The following IL6ST variants were observed in gnomAD, a reference collection of about 807,000 sequenced individuals.
IL6ST encodes interleukin 6 cytokine family signal transducer, also known as interleukin-6 receptor subunit beta.
Under a neutral mutation model 91.3 loss-of-function variants are expected in IL6ST, and 24 were observed. The observed-to-expected ratio is 0.26, with a 90% CI of 0.19 to 0.37. The LOEUF is 0.37. Ranked by LOEUF, IL6ST falls within the 10% of genes least tolerant of loss-of-function variation. IL6ST has a pLI of 1.00. For missense variants in IL6ST, 914 were observed against 1,078.5 expected, an observed-to-expected ratio of 0.85 and a Z score of 2.14; for synonymous variants, 351 against 373.6, an observed-to-expected ratio of 0.94 and a Z score of 0.70.
intron 11 of IL6ST, among the ~76,000 whole-genome samples, chr5:55,954,592 G>A (rs1390546213): frequency 6.6e-6 from 1 of 152,098 alleles, no homozygotes; most frequent in Non-Finnish European, 1.5e-5. Context: ...TCATATTGGG[G>A]TACAAAAAGA....
chr5:55,967,887 C>T (rs1752729514), intron 5 of IL6ST, among the ~76,000 whole-genome samples: 2 of 152,122 alleles, frequency 1.3e-5, no homozygotes, highest in South Asian at 2.1e-4. Context: ...ACCTCCGCCT[C>T]CTGGATTTAA....
chr5:55,960,098 C>A (rs554978811), intron 8 of IL6ST, among the ~76,000 whole-genome samples: 1 of 152,108 alleles, frequency 6.6e-6, no homozygotes, highest in African/African-American at 2.4e-5. Flanking sequence ...ATTGGCCAGG[C>A]TGGTCTCAAA....
At chr5:55,973,396 A>G (rs1474948818) in intron 3 of IL6ST, among the ~76,000 whole-genome samples, 1 of 152,174 alleles carries the variant, frequency 6.6e-6, no homozygotes, top group Non-Finnish European at 1.5e-5. Context: ...GAGACTTCAG[A>G]GGCTAGATCA....
At chr5:55,950,781 G>C (rs1353452991) in intron 14 of IL6ST, among the ~76,000 whole-genome samples, 3 of 151,458 alleles carry the variant, frequency 2.0e-5, no homozygotes, top group Non-Finnish European at 2.9e-5. Flanking sequence ...CCAGGAGTTT[G>C]AGACCAGCCA....
chr5:55,984,536 G>A (rs1004495954), intron 1 of IL6ST, among the ~76,000 whole-genome samples: 2 of 152,130 alleles, frequency 1.3e-5, no homozygotes, highest in African/African-American at 4.8e-5. Context: ...AACGACGATG[G>A]CTACCACCAG....
At chr5:55,993,142 C>T (rs955197751) in intron 1 of IL6ST, among the ~76,000 whole-genome samples, 1 of 152,198 alleles carries the variant, frequency 6.6e-6, no homozygotes, top group African/African-American at 2.4e-5. Context: ...TTCTGACTCC[C>T]ATTAAAATGA....
rs1750529501 is a variant in IL6ST, at chr5:55,936,351, T to TG, written c.*4730_*4731insC. On this transcript the variant is annotated 3_prime_UTR_variant, in exon 17 of 17. Coordinates refer to ENST00000381298, the MANE Select transcript of IL6ST (RefSeq NM_002184.4). ...TTGACAACCAAGTAGGTTTTTTTTT[T>TG]TTTTTTTTTTTTTAATGTCCACTAG... The TG allele has an allele frequency of 1.9e-5, 4 of 211,596 alleles. No individual in the cohort carries two copies. Among genetic ancestry groups the TG allele is most frequent in the African/African-American group, 7.1e-5 (3 of 42,482 alleles). The allele number at this position is 211,596 out of a possible 1,614,324, so 13.1% of individuals were successfully genotyped here.
chr5:55,967,219 A>AACCTGG (rs1257964182), intron 5 of IL6ST, among the ~76,000 whole-genome samples: 1 of 143,096 alleles, frequency 7.0e-6, no homozygotes, highest in Non-Finnish European at 1.5e-5. Context: ...CTGAGGCAGG[A>AACCTGG]GAATTGCTTG....
At chr5:55,986,308 T>C (rs1404044615) in intron 1 of IL6ST, among the ~76,000 whole-genome samples, 5 of 152,208 alleles carry the variant, frequency 3.3e-5, no homozygotes, top group African/African-American at 9.6e-5. Flanking sequence ...TTTTGATAAA[T>C]TGACCCTTTT....
chr5:55,983,308 G>A (rs1296210173), intron 1 of IL6ST, among the ~76,000 whole-genome samples: 3 of 152,078 alleles, frequency 2.0e-5, no homozygotes, highest in African/African-American at 7.2e-5. Context: ...TTTGATATAC[G>A]CTTGCAAACA....
intron 3 of IL6ST, among the ~76,000 whole-genome samples, chr5:55,974,005 T>C (rs1226867386): frequency 1.3e-5 from 2 of 152,056 alleles, no homozygotes; most frequent in African/African-American, 2.4e-5. Flanking sequence ...GAAATATACA[T>C]TGGGTGAGGG....
rs376610689 is a variant in IL6ST at position 55,954,963 on chromosome 5, A to C, written c.1297T>G (p.Phe433Val). 4.3e-6 allele frequency: 7 copies of C among 1,610,624 alleles called. No individual in the cohort carries two copies. Among genetic ancestry groups the C allele is most frequent in the Non-Finnish European group, 5.9e-6 (7 of 1,178,066 alleles). Reference protein sequence around the residue: ...ATHPVMDLKAFPKDNMLWVEW... With the variant: ...ATHPVMDLKAVPKDNMLWVEW... Reference sequence around the variant, plus strand: ...ACCCAAAGCATGTTATCTTTGGGGAATGCTTTAAGATCCATTACAGGGTGA... The same window carrying C: ...ACCCAAAGCATGTTATCTTTGGGGACTGCTTTAAGATCCATTACAGGGTGA... The change falls in exon 11 of 17, where the codon TTC becomes GTC. Residue 433 changes from phenylalanine (F) to valine (V), a missense_variant. Physicochemically the swap from Phe to Val is conservative, Grantham distance 50. Transcript: ENST00000381298.
chr5:55,941,673 T>C lies in IL6ST; in HGVS notation c.2166A>G (p.Glu722=), dbSNP rs146333104. 1.0e-4 allele frequency: 162 copies of C among 1,613,996 alleles called. No individual in the cohort carries two copies. The highest frequency in any genetic ancestry group is 8.1e-4 in the South Asian group (74 of 91,082). ...DLFKKEKINT[E]GHSSGIGGSS... is the part of the protein sequence containing the mutation. ...ACCCCCCAATACCACTGCTGTGTCC[T>C]TCAGTATTAATTTTTTCCTTTTTGA... Residue 722 remains glutamate (E), a synonymous_variant, in exon 17 of 17, where the codon GAA becomes GAG. Coordinates refer to ENST00000381298, the MANE Select transcript of IL6ST (RefSeq NM_002184.4).
At chr5:55,969,283 T>C (rs1023471978) in intron 4 of IL6ST, among the ~76,000 whole-genome samples, 2 of 152,146 alleles carry the variant, frequency 1.3e-5, no homozygotes, top group Admixed American at 6.5e-5. Flanking sequence ...ATACTGAGAA[T>C]TACCATCATT....
In IL6ST at chr5:55,971,721, G is replaced by A. The variant is rs1197599303; in HGVS notation, c.65-1866C>T. On this transcript the variant is annotated intron_variant, in intron 3 of 16. Coordinates refer to ENST00000381298, the MANE Select transcript of IL6ST (RefSeq NM_002184.4). ...CCTGTAGTCCCAGCTACTTGGGGGT[G>A]AGGGTCGTGTGCTGAGGCAGGAGGA... 2.0e-5 allele frequency among the ~76,000 whole-genome samples: 3 copies of A among 152,176 alleles called. No homozygotes were observed. In the East Asian group the frequency reaches 5.8e-4, roughly 29 times the overall value.
In IL6ST at chr5:55,941,144, C is replaced by CA. The variant is rs1478976572; in HGVS notation, c.2694dup (p.Glu899Ter). The CA allele has an allele frequency of 6.2e-7, 1 of 1,613,960 alleles. No homozygotes were observed. Among genetic ancestry groups the CA allele is most frequent in the African/African-American group, 1.3e-5 (1 of 74,928 alleles). The stretch of plus-strand genomic sequence containing the variant: ...GGTAAGTAACTTTTAGGCATGCCTT[C>CA]ATCAGTCGCAGCCTCCATGCCAACT... On this transcript the variant is annotated frameshift_variant, in exon 17 of 17. Transcript: ENST00000381298. LOFTEE classifies it high-confidence loss of function.
At chr5:55,994,091 C>G (rs1489154808) in intron 1 of IL6ST, 2 of 139,164 alleles carry the variant, frequency 1.4e-5, no homozygotes, top group East Asian at 4.0e-4. Context: ...TATTTTTAAC[C>G]TGTGATTTTT....
At chr5:55,961,959 G>A (rs1752345745) in intron 7 of IL6ST, among the ~76,000 whole-genome samples, 1 of 152,162 alleles carries the variant, frequency 6.6e-6, no homozygotes, top group African/African-American at 2.4e-5. Context: ...GTAGAGCGTA[G>A]ATGTGGACAG....
At chr5:55,959,482 T>G in intron 8 of IL6ST, 1 of 316,592 alleles carries the variant, frequency 3.2e-6, no homozygotes, top group Non-Finnish European at 6.0e-6. Flanking sequence ...GAAAAATCTA[T>G]GCCACGGGAT....
Sources: allele counts gnomAD v4.1 joint callset (sites outside exome capture counted in the v4.1 genomes callset), GRCh38; gene constraint gnomAD v4.1.1; transcripts MANE v1.5; gene names NCBI Gene and HGNC (gene_info 2026-07-23, HGNC 2026-07-21).